ANPEP: variants seen among roughly 807,000 people sequenced by gnomAD.
ANPEP encodes alanyl aminopeptidase, membrane.
ANPEP carries 70 observed loss-of-function variants against 114.6 expected under a neutral mutation model. The observed-to-expected ratio is 0.61, with a 90% CI of 0.50 to 0.75. The LOEUF (loss-of-function observed/expected upper bound fraction) is 0.75. Ranked by LOEUF, ANPEP falls within the 30% of genes least tolerant of loss-of-function variation. The probability of loss-of-function intolerance (pLI) is 0.00; values close to 1 mark genes in which losing one functional copy is unlikely to be tolerated. For missense variants in ANPEP, 1,184 were observed against 1,259.5 expected (o/e 0.94, Z 0.91); for synonymous variants, 548 against 522.3 (o/e 1.05, Z -0.67).
At position 89,797,734 on chromosome 15, in the gene ANPEP, C is replaced by A; in HGVS notation, c.2010-12G>T. 1 of 1,613,872 alleles carries A rather than the reference C, an allele frequency of 6.2e-7. No homozygotes were observed. The highest frequency in any genetic ancestry group is 8.5e-7 in the Non-Finnish European group (1 of 1,179,928). The stretch of plus-strand genomic sequence containing the variant: ...GGACCTTATGGGCACTGGGAATAAA[C>A]AGAGGGGCCCAAGTAAAGCACCTCC... On this transcript the variant is annotated splice_polypyrimidine_tract_variant and intron_variant, in intron 14 of 20. Coordinates refer to ENST00000300060, the MANE Select transcript of ANPEP (RefSeq NM_001150.3).
chr15:89,795,280 A>AC (rs1221896859), intron 15 of ANPEP, among the ~76,000 whole-genome samples: 47 of 152,334 alleles, frequency 3.1e-4, no homozygotes, highest in African/African-American at 9.6e-4. Flanking sequence ...AGGGGGCAGA[A>AC]TAAAAAGTCA....
rs766054435 is a variant in ANPEP, at chr15:89,803,327, G to A, written c.1504-23C>T. 7.4e-6 allele frequency: 12 copies of A among 1,613,892 alleles called. No homozygotes were observed. The South Asian group carries it at 1.3e-4, about 18-fold the overall frequency. ...GGACTGTGGAAAGACGGGGCACAGT[G>A]AGAGCACAGCTGGAGCCCCCCAGGC... is the stretch of plus-strand genomic sequence containing the variant. On this transcript the variant is annotated intron_variant, in intron 9 of 20. Coordinates refer to ENST00000300060, the MANE Select transcript of ANPEP (RefSeq NM_001150.3). The surrounding 1 kb of genome is among the most constrained non-coding windows in gnomAD (Gnocchi z 4.2).
At chr15:89,795,690 A>G (rs1444616164) in intron 15 of ANPEP, among the ~76,000 whole-genome samples, 1 of 152,276 alleles carries the variant, frequency 6.6e-6, no homozygotes, top group Admixed American at 6.5e-5. Context: ...TGAACGCTCA[A>G]TCCAGTGTGA....
intron 6 of ANPEP, 111 bp from the exon 7 acceptor site, chr15:89,804,113 C>T: frequency 6.5e-7 from 1 of 1,544,876 alleles, no homozygotes; most frequent in Non-Finnish European, 8.9e-7. Flanking sequence ...GGGATTTCAA[C>T]ACCATCGTGA....
chr15:89,809,539 G>A (rs1894782431), intron 1 of ANPEP, among the ~76,000 whole-genome samples: 1 of 152,172 alleles, frequency 6.6e-6, no homozygotes, highest in Non-Finnish European at 1.5e-5. Context: ...GCCAACCCAG[G>A]CTGGGGGCAC....
rs754725578 is a variant in ANPEP at position 89,811,649 on chromosome 15, T to TA, written c.-224+3122dup. Among the ~76,000 whole-genome samples, 956 of 100,492 alleles carry TA rather than the reference T, an allele frequency of 9.5e-3. 9 individuals are homozygous for TA. The highest frequency in any genetic ancestry group is 0.022 in the African/African-American group (605 of 26,900). The allele number at this position is 100,492 out of a possible 152,430, so 65.9% of individuals were successfully genotyped here. A position where few individuals can be genotyped will look rare whatever the true frequency, so the allele number is the denominator to read the frequency against. On this transcript the variant is annotated intron_variant, in intron 1 of 20. Transcript: ENST00000300060. ...CGACAGAGTGAGACTCCATCTCAAG[T>TA]AAAAAAAAAAAAAAAAAGAAAAAAA...
At chr15:89,787,187 A>G (rs1186434734) in intron 20 of ANPEP, among the ~76,000 whole-genome samples, 1 of 151,546 alleles carries the variant, frequency 6.6e-6, no homozygotes, top group Non-Finnish European at 1.5e-5. Flanking sequence ...CTGGGATTAC[A>G]GGCGCCCGCC....
intron 10 of ANPEP, chr15:89,802,575 A>G (rs1226305574): frequency 6.5e-6 from 1 of 153,724 alleles, no homozygotes; most frequent in African/African-American, 2.4e-5. Context: ...CTGGCTTAAG[A>G]CGCTAGCATT....
intron 1 of ANPEP, among the ~76,000 whole-genome samples, chr15:89,811,654 A>C (rs1296179836): frequency 6.6e-6 from 1 of 151,448 alleles, no homozygotes; most frequent in Non-Finnish European, 1.5e-5. Flanking sequence ...TCAAGTAAAA[A>C]AAAAAAAAAA....
At chr15:89,788,992 T>G (rs1359300169) in intron 20 of ANPEP, among the ~76,000 whole-genome samples, 3 of 151,876 alleles carry the variant, frequency 2.0e-5, no homozygotes, top group Admixed American at 2.0e-4. Context: ...TCAATTTTTT[T>G]TTTTTGAGAC....
At chr15:89,812,703 C>G (rs1209001175) in intron 1 of ANPEP, among the ~76,000 whole-genome samples, 1 of 151,832 alleles carries the variant, frequency 6.6e-6, no homozygotes, top group East Asian at 2.0e-4. Flanking sequence ...TACTATGTGC[C>G]CTACCAGGAT....
At chr15:89,805,526 T>C in intron 2 of ANPEP, 63 bp from the exon 3 acceptor site, 3 of 1,594,526 alleles carry the variant, frequency 1.9e-6, no homozygotes, top group Non-Finnish European at 1.7e-6. Flanking sequence ...GCTCTGAGGA[T>C]GCTACCAGGC....
chr15:89,792,664 G>A (rs1968655088), intron 16 of ANPEP, 102 bp from the exon 17 acceptor site: 5 of 1,018,442 alleles, frequency 4.9e-6, no homozygotes, highest in Non-Finnish European at 5.9e-6. Flanking sequence ...AAGGCTCTGT[G>A]GCCTAACTGG....
In ANPEP at chr15:89,811,824, A is replaced by G. The variant is rs1156540394; in HGVS notation, c.-224+2948T>C. 7.2e-5 allele frequency among the ~76,000 whole-genome samples: 11 copies of G among 152,230 alleles called. 1 individual carries two copies. The East Asian group carries it at 1.9e-3, about 27-fold the overall frequency. ...CTCTTTCTGCCAGTGAGCAAAATGCATGTGTTCCTTTCGCTGTGAATTTCT... is the reference window on the plus strand; with the variant it reads ...CTCTTTCTGCCAGTGAGCAAAATGCGTGTGTTCCTTTCGCTGTGAATTTCT... On this transcript the variant is annotated intron_variant, in intron 1 of 20. Transcript: ENST00000300060.
Position 89,803,118 on chromosome 15 carries a change from C to T in ANPEP, c.1569+121G>A. ...GGAGGAGCAACAGAGGCTCCATCCA[C>T]CCTGCAGGGCTGGTCAGCCGCGGAG... On this transcript the variant is annotated intron_variant, in intron 10 of 20. Coordinates refer to ENST00000300060, the MANE Select transcript of ANPEP (RefSeq NM_001150.3). The surrounding 1 kb of genome is among the most constrained non-coding windows in gnomAD (Gnocchi z 4.2). 1 of 1,131,258 alleles carries T rather than the reference C, an allele frequency of 8.8e-7. No homozygotes were observed. The highest frequency in any genetic ancestry group is 1.3e-6 in the Non-Finnish European group (1 of 752,652). 70.1% of individuals were successfully genotyped at this position (1,131,258 alleles called of 1,614,324 possible). A position where few individuals can be genotyped will look rare whatever the true frequency, so the allele number is the denominator to read the frequency against.
Position 89,806,834 on chromosome 15 carries a change from C to T in ANPEP, c.-223-28G>A, listed in dbSNP as rs1357130543. ...GCTGGAAGCAAACAGTGTCTGGTTA[C>T]AGGCTGCAGGCGGCCTGGGATCAGG... On this transcript the variant is annotated intron_variant, in intron 1 of 20. Transcript: ENST00000300060. This position sits in a 1 kb window ranked among gnomAD's most constrained non-coding sequence, Gnocchi z 5.7. 2 of 519,828 alleles carry T rather than the reference C, an allele frequency of 3.8e-6. No homozygotes were observed. Among genetic ancestry groups the T allele is most frequent in the Non-Finnish European group, 6.6e-6 (2 of 301,084 alleles). The allele number at this position is 519,828 out of a possible 1,614,324, so 32.2% of individuals were successfully genotyped here.
intron 20 of ANPEP, among the ~76,000 whole-genome samples, chr15:89,789,504 G>A (rs1968573511): frequency 6.6e-6 from 1 of 152,012 alleles, no homozygotes; most frequent in South Asian, 2.1e-4. Context: ...TGGGCGCAGT[G>A]GCTCACACCT....
At chr15:89,811,649 TAAAAAAAAAAAA>T (rs754725578) in intron 1 of ANPEP, among the ~76,000 whole-genome samples, 1 of 100,552 alleles carries the variant, frequency 9.9e-6, no homozygotes, top group Admixed American at 1.0e-4. Flanking sequence ...CCATCTCAAG[TAAAAAAAAAAAA>T]AAAAAGAAAA....
chr15:89,793,675 CCTGGGTAACAGAGCGAGACTCCATCT>C (rs775790984), intron 15 of ANPEP, among the ~76,000 whole-genome samples: 361 of 140,170 alleles, frequency 2.6e-3, no homozygotes, highest in South Asian at 7.6e-3. Flanking sequence ...TGCACTCCAG[CCTGGGTAACAGAGCGAGACTCCATCT>C]CAAAAAAAAA....
Sources: gnomAD v4.1 joint callset for allele counts (sites outside exome capture counted in the v4.1 genomes callset) on GRCh38, gnomAD v4.1.1 for gene constraint, Gnocchi (gnomAD v3.1) non-coding constraint, MANE v1.5 for transcripts, NCBI Gene and HGNC (gene_info 2026-07-23, HGNC 2026-07-21) for gene names.